Variants in NELL1 observed in about 807,000 individuals in gnomAD.
The protein encoded by NELL1 is neural EGFL like 1, also known as protein kinase C-binding protein NELL1.
Under a neutral mutation model 107.4 loss-of-function variants are expected in NELL1, and 76 were observed. The ratio of observed to expected loss-of-function variants is 0.71; its 90% CI spans 0.59 to 0.86. The LOEUF (loss-of-function observed/expected upper bound fraction) is 0.86. Ranked by LOEUF, NELL1 falls within the 40% of genes least tolerant of loss-of-function variation. The probability of loss-of-function intolerance (pLI) is 0.00; values close to 1 mark genes in which losing one functional copy is unlikely to be tolerated. For missense variants in NELL1, 1,024 were observed against 1,005.5 expected (o/e 1.02, Z -0.25); for synonymous variants, 353 against 341.2 (o/e 1.03, Z -0.38).
intron 12 of NELL1, among the ~76,000 whole-genome samples, chr11:20,975,166 G>A (rs1772905723): frequency 6.7e-6 from 1 of 149,326 alleles, no homozygotes; most frequent in Non-Finnish European, 1.5e-5. Flanking sequence ...CCGCCACCAT[G>A]CCTGGCTAAT....
At chr11:20,678,443 A>G (rs1284989083) in intron 2 of NELL1, among the ~76,000 whole-genome samples, 2 of 152,232 alleles carry the variant, frequency 1.3e-5, no homozygotes, top group Non-Finnish European at 2.9e-5. Context: ...TGGATAGGCC[A>G]TAAGAACAGA....
intron 12 of NELL1, among the ~76,000 whole-genome samples, chr11:21,091,363 G>A (rs1025008970): frequency 4.6e-5 from 7 of 152,116 alleles, no homozygotes; most frequent in African/African-American, 1.4e-4. Flanking sequence ...ATGTGAGAAC[G>A]GGGACTCAGC....
intron 12 of NELL1, among the ~76,000 whole-genome samples, chr11:21,061,175 G>A (rs1853732917): frequency 1.3e-5 from 2 of 152,222 alleles, no homozygotes. Context: ...CAGTAAACAA[G>A]ACAGATAAAG....
At chr11:21,208,832 C>T (rs927991134) in intron 13 of NELL1, among the ~76,000 whole-genome samples, 3 of 152,094 alleles carry the variant, frequency 2.0e-5, no homozygotes, top group Non-Finnish European at 2.9e-5. Flanking sequence ...GGTTTACAGC[C>T]AGAGTGGGGG....
At chr11:21,320,149 T>C (rs2133664021) in intron 14 of NELL1, among the ~76,000 whole-genome samples, 1 of 152,262 alleles carries the variant, frequency 6.6e-6, no homozygotes, top group African/African-American at 2.4e-5. Flanking sequence ...CATCCCTTTT[T>C]CTTCTTCTCC....
intron 5 of NELL1, among the ~76,000 whole-genome samples, chr11:20,913,541 A>G (rs1385998042): frequency 3.3e-5 from 5 of 152,118 alleles, no homozygotes; most frequent in African/African-American, 1.2e-4. Context: ...GGAATAATAG[A>G]AATAATGGGC....
At chr11:21,401,367 T>G (rs1449445081) in intron 15 of NELL1, among the ~76,000 whole-genome samples, 2 of 151,864 alleles carry the variant, frequency 1.3e-5, no homozygotes, top group South Asian at 2.1e-4. Flanking sequence ...ATTTGTTACT[T>G]TGAGAAATAT....
At chr11:21,442,117 G>A (rs1448343245) in intron 15 of NELL1, among the ~76,000 whole-genome samples, 2 of 152,170 alleles carry the variant, frequency 1.3e-5, no homozygotes, top group Admixed American at 1.3e-4. Flanking sequence ...GTAGACTGAT[G>A]TTTAAAATAA....
intron 2 of NELL1, among the ~76,000 whole-genome samples, chr11:20,716,868 T>C (rs1308313491): frequency 6.6e-6 from 1 of 152,250 alleles, no homozygotes; most frequent in Admixed American, 6.5e-5. Context: ...TCAGTGAGTG[T>C]TAACTGTTGC....
chr11:21,392,229 G>A (rs745675426), intron 15 of NELL1, among the ~76,000 whole-genome samples: 1 of 151,776 alleles, frequency 6.6e-6, no homozygotes, highest in Non-Finnish European at 1.5e-5. Context: ...CTGGGGTAAG[G>A]AAACAGCTCT....
chr11:20,739,442 C>G (rs1004239506), intron 2 of NELL1, among the ~76,000 whole-genome samples: 1 of 152,200 alleles, frequency 6.6e-6, no homozygotes, highest in Non-Finnish European at 1.5e-5. Flanking sequence ...TGCTTTCCTG[C>G]TGTGCTTTGT....
chr11:21,131,349 C>T lies in NELL1; in HGVS notation c.1426+17635C>T, dbSNP rs553675323. Among the ~76,000 whole-genome samples, 12 of 152,268 alleles carry T rather than the reference C, an allele frequency of 7.9e-5. No homozygotes were observed. The South Asian group carries it at 2.5e-3, about 32-fold the overall frequency. On this transcript the variant is annotated intron_variant, in intron 13 of 19. Transcript: ENST00000357134. The stretch of plus-strand genomic sequence containing the variant: ...TTTGTGTCAGCATTCACCATGAATG[C>T]TGAATATTTGGCAAGGAAATGCGGT...
At chr11:20,797,347 G>A (rs1320533192) in intron 3 of NELL1, among the ~76,000 whole-genome samples, 13 of 151,940 alleles carry the variant, frequency 8.6e-5, no homozygotes, top group Admixed American at 7.9e-4. Context: ...GGTAGATCAC[G>A]AAGTCAGGAG....
chr11:21,487,376 G>A (rs1348433688), intron 15 of NELL1, among the ~76,000 whole-genome samples: 1 of 152,042 alleles, frequency 6.6e-6, no homozygotes, highest in Non-Finnish European at 1.5e-5. Context: ...CATAAGTGAG[G>A]GATAAAGTCT....
chr11:21,477,049 G>A lies in NELL1; in HGVS notation c.1646-57325G>A, dbSNP rs183199189. Among the ~76,000 whole-genome samples, 575 of 152,244 alleles carry A rather than the reference G, an allele frequency of 3.8e-3. 6 individuals are homozygous for A. The highest frequency in any genetic ancestry group is 5.7e-3 in the Non-Finnish European group (391 of 68,010). On this transcript the variant is annotated intron_variant, in intron 15 of 19. Transcript: ENST00000357134. ...AGGCTACAAGGACTGCAATTCCAGG[G>A]CAACTTCTTGTGCTTTGCTAGGCTC... is the stretch of plus-strand genomic sequence containing the variant.
chr11:21,249,560 T>G (rs1055700935), intron 14 of NELL1, among the ~76,000 whole-genome samples: 1 of 151,870 alleles, frequency 6.6e-6, no homozygotes, highest in Non-Finnish European at 1.5e-5. Context: ...TTAAAAAAAA[T>G]AAAAACAATG....
chr11:21,240,548 A>G (rs935395258), intron 14 of NELL1, among the ~76,000 whole-genome samples: 1 of 152,042 alleles, frequency 6.6e-6, no homozygotes, highest in Admixed American at 6.6e-5. Flanking sequence ...AGAGACATTT[A>G]TGCTCATCAG....
rs138995287 is a variant in NELL1, at chr11:21,503,388, G to A, written c.1646-30986G>A. Among the ~76,000 whole-genome samples, 466 of 152,212 alleles carry A rather than the reference G, an allele frequency of 3.1e-3. 14 individuals carry two copies. Among genetic ancestry groups the A allele is most frequent in the Admixed American group, 0.026 (393 of 15,284 alleles). On this transcript the variant is annotated intron_variant, in intron 15 of 19. Transcript: ENST00000357134. ...TGTGACTAGACCAATGTTAAGACGCGCTAGGACAAAAATCAAATAAGCCAA... is the reference window on the plus strand; with the variant it reads ...TGTGACTAGACCAATGTTAAGACGCACTAGGACAAAAATCAAATAAGCCAA...
At chr11:21,393,597 T>G (rs2133786815) in intron 15 of NELL1, among the ~76,000 whole-genome samples, 1 of 151,794 alleles carries the variant, frequency 6.6e-6, no homozygotes, top group Admixed American at 6.6e-5. Context: ...AAACAGGGAT[T>G]TAGTGACCTG....
Sources: gnomAD v4.1 joint callset for allele counts (sites outside exome capture counted in the v4.1 genomes callset) on GRCh38, gnomAD v4.1.1 for gene constraint, MANE v1.5 for transcripts, NCBI Gene and HGNC (gene_info 2026-07-23, HGNC 2026-07-21) for gene names.